The following TWIST2 variants were observed in gnomAD, a reference collection of about 807,000 sequenced individuals.
The protein encoded by TWIST2 is twist-related protein 2.
In TWIST2, 1 loss-of-function variant was observed where a neutral mutation model predicts 11.6. That is an observed-to-expected ratio of 0.09 (90% CI 0.03 to 0.41). The LOEUF is 0.41. Among genes scored for constraint, TWIST2 ranks in the 10% least tolerant of loss-of-function variants. The pLI, the probability that TWIST2 is intolerant of heterozygous loss-of-function variation, is 0.98. For missense variants in TWIST2, 168 were observed against 226.4 expected (o/e 0.74, Z 1.66); for synonymous variants, 87 against 96.6 (o/e 0.90, Z 0.58).
At chr2:238,905,318 G>A (rs1217480299) in intron 1 of TWIST2, among the ~76,000 whole-genome samples, 3 of 152,174 alleles carry the variant, frequency 2.0e-5, no homozygotes, top group Non-Finnish European at 1.5e-5. Flanking sequence ...GGCAGATACA[G>A]GGAGGTAACT....
rs896552359 is a variant in TWIST2 at position 238,864,029 on chromosome 2, G to A, written c.*35+15296G>A. On this transcript the variant is annotated intron_variant, in intron 1 of 1. Coordinates refer to ENST00000612363, the MANE Select transcript of TWIST2 (RefSeq NM_001271893.4). This position sits in a 1 kb window ranked among gnomAD's most constrained non-coding sequence, Gnocchi z 4.7. ...TCTCTCATTTCCTTTCAGATTCTTC[G>A]CCATAATCTAATTTTCGTTAAGCCT... Among the ~76,000 whole-genome samples, 12 of 152,122 alleles carry A rather than the reference G, an allele frequency of 7.9e-5. No individual in the cohort carries two copies. The highest frequency in any genetic ancestry group is 2.2e-4 in the African/African-American group (9 of 41,426).
intron 1 of TWIST2, among the ~76,000 whole-genome samples, chr2:238,851,626 C>T (rs1386461143): frequency 6.6e-6 from 1 of 152,096 alleles, no homozygotes; most frequent in Admixed American, 6.5e-5. Context: ...ATGACCCCTT[C>T]ACCATCTAAT....
intron 1 of TWIST2, among the ~76,000 whole-genome samples, chr2:238,909,499 C>T (rs1433037561): frequency 2.0e-5 from 3 of 152,130 alleles, no homozygotes; most frequent in African/African-American, 7.2e-5. Context: ...TTCTGAGGGG[C>T]TCACCCACAG....
chr2:238,854,083 C>T (rs1365397356), intron 1 of TWIST2, among the ~76,000 whole-genome samples: 2 of 152,162 alleles, frequency 1.3e-5, no homozygotes, highest in East Asian at 1.9e-4. Flanking sequence ...TTCTCAGACC[C>T]GAAGAGCAGT....
chr2:238,851,258 G>C (rs1692235927), intron 1 of TWIST2, among the ~76,000 whole-genome samples: 1 of 152,174 alleles, frequency 6.6e-6, no homozygotes, highest in African/African-American at 2.4e-5. Flanking sequence ...GTGGAGTGCG[G>C]GTGCTGCCGA....
At chr2:238,859,291 G>C (rs906333101) in intron 1 of TWIST2, among the ~76,000 whole-genome samples, 3 of 151,586 alleles carry the variant, frequency 2.0e-5, no homozygotes, top group African/African-American at 7.3e-5. Context: ...CAAGAAGCCA[G>C]ATGACTACAT....
rs2106369870 is a variant in TWIST2, at chr2:238,892,165, G to A, written c.*36-17677G>A. On this transcript the variant is annotated intron_variant, in intron 1 of 1. Transcript: ENST00000612363. ...AGCCAGGCAACCACCGGAAGGGTGA[G>A]TCCTTCCCCAGGACTCAGCGGGTGA... Among the ~76,000 whole-genome samples the A allele has an allele frequency of 2.1e-5, 3 of 145,996 alleles. 1 individual carries two copies. Among genetic ancestry groups the A allele is most frequent in the African/African-American group, 7.4e-5 (3 of 40,594 alleles).
intron 1 of TWIST2, among the ~76,000 whole-genome samples, chr2:238,897,692 T>C (rs1203959313): frequency 6.6e-6 from 1 of 152,202 alleles, no homozygotes; most frequent in Non-Finnish European, 1.5e-5. Flanking sequence ...CCCCCGCCTC[T>C]GGACAAGACA....
chr2:238,859,545 T>C (rs1188834038), intron 1 of TWIST2, among the ~76,000 whole-genome samples: 2 of 150,980 alleles, frequency 1.3e-5, no homozygotes, highest in South Asian at 2.1e-4. Flanking sequence ...TGATAAATTT[T>C]ATATTGTATG....
At chr2:238,875,467 GT>G (rs1692787286) in intron 1 of TWIST2, among the ~76,000 whole-genome samples, 1 of 152,158 alleles carries the variant, frequency 6.6e-6, no homozygotes, top group African/African-American at 2.4e-5. Flanking sequence ...AAATTTAGAA[GT>G]CCATGTGATG....
intron 1 of TWIST2, among the ~76,000 whole-genome samples, chr2:238,897,284 T>G (rs1438991491): frequency 6.6e-6 from 1 of 152,130 alleles, no homozygotes. Context: ...GCTTTTGCTG[T>G]TTCCCTTGTG....
At chr2:238,895,103 G>T (rs1007430635) in intron 1 of TWIST2, among the ~76,000 whole-genome samples, 1 of 152,320 alleles carries the variant, frequency 6.6e-6, no homozygotes, top group Middle Eastern at 3.4e-3. Flanking sequence ...TGCTGCTGCT[G>T]TTGCTGCTGC....
At chr2:238,900,713 G>C (rs1693258922) in intron 1 of TWIST2, among the ~76,000 whole-genome samples, 1 of 152,188 alleles carries the variant, frequency 6.6e-6, no homozygotes, top group African/African-American at 2.4e-5. Context: ...GAGTGTCACT[G>C]AGTGGGGGTG....
At chr2:238,891,352 A>C (rs1334600115) in intron 1 of TWIST2, among the ~76,000 whole-genome samples, 1 of 152,142 alleles carries the variant, frequency 6.6e-6, no homozygotes, top group African/African-American at 2.4e-5. Flanking sequence ...CCCAGTGGGG[A>C]TATCACTGGT....
At position 238,864,424 on chromosome 2, in the gene TWIST2, G is replaced by A. The variant is rs145156607; in HGVS notation, c.*35+15691G>A. 1.1e-3 allele frequency among the ~76,000 whole-genome samples: 167 copies of A among 152,312 alleles called. 3 individuals carry two copies. In the East Asian group the frequency reaches 0.02, roughly 18 times the overall value. On this transcript the variant is annotated intron_variant, in intron 1 of 1. Coordinates refer to ENST00000612363, the MANE Select transcript of TWIST2 (RefSeq NM_001271893.4). This position sits in a 1 kb window ranked among gnomAD's most constrained non-coding sequence, Gnocchi z 4.7. Reference sequence around the variant, plus strand: ...CTGGGAGCAGGAGTGACTCAGAGCCGTGGCTTTTTGTCCTCTGGCTGTGCA... The same window carrying A: ...CTGGGAGCAGGAGTGACTCAGAGCCATGGCTTTTTGTCCTCTGGCTGTGCA...
chr2:238,869,526 A>G (rs1692608068), intron 1 of TWIST2, among the ~76,000 whole-genome samples: 1 of 152,190 alleles, frequency 6.6e-6, no homozygotes, highest in Non-Finnish European at 1.5e-5. Flanking sequence ...AGCCTGCATA[A>G]AAGTAGGCAA....
chr2:238,883,257 CG>C (rs1692970108), intron 1 of TWIST2, among the ~76,000 whole-genome samples: 1 of 152,166 alleles, frequency 6.6e-6, no homozygotes, highest in Non-Finnish European at 1.5e-5. Flanking sequence ...AGTCACCCCT[CG>C]TGGACTGTTT....
At chr2:238,850,136 T>C (rs1574743461) in intron 1 of TWIST2, among the ~76,000 whole-genome samples, 2 of 152,340 alleles carry the variant, frequency 1.3e-5, no homozygotes, top group East Asian at 3.9e-4. Flanking sequence ...TATTTTGGTG[T>C]CACTGAAAAT....
chr2:238,910,107 T>TG lies in TWIST2; in HGVS notation c.*307dup, dbSNP rs1408146392. 6.6e-6 allele frequency: 1 copy of TG among 152,152 alleles called. No individual in the cohort carries two copies. The highest frequency in any genetic ancestry group is 2.4e-5 in the African/African-American group (1 of 41,420). 9.4% of individuals were successfully genotyped at this position (152,152 alleles called of 1,614,324 possible). ...GGATTTTTCTTCTGGGTCTTATGTT[T>TG]GGGGGGAGGTTTATTCTTTCTGAAA... is the stretch of plus-strand genomic sequence containing the variant. On this transcript the variant is annotated 3_prime_UTR_variant, in exon 2 of 2. Transcript: ENST00000612363.
Sources: allele counts gnomAD v4.1 joint callset (sites outside exome capture counted in the v4.1 genomes callset), GRCh38; gene constraint gnomAD v4.1.1; non-coding constraint Gnocchi (gnomAD v3.1); transcripts MANE v1.5; gene names NCBI Gene and HGNC (gene_info 2026-07-23, HGNC 2026-07-21).